Variants in CACNB2 observed in about 807,000 individuals in gnomAD.
The protein encoded by CACNB2 is voltage-dependent L-type calcium channel subunit beta-2.
A neutral mutation model predicts 73.3 loss-of-function variants in CACNB2; 42 were observed. The ratio of observed to expected loss-of-function variants is 0.57; its 90% CI spans 0.45 to 0.74. CACNB2 has a LOEUF of 0.74. Ranked by LOEUF, CACNB2 falls within the 30% of genes least tolerant of loss-of-function variation. CACNB2 has a pLI of 0.00. For synonymous variants in CACNB2, 348 were observed against 310.3 expected (o/e 1.12, Z -1.28); for missense variants, 940 against 853.0 (o/e 1.10, Z -1.27).
At chr10:18,338,542 C>T (rs2041093502) in intron 2 of CACNB2, among the ~76,000 whole-genome samples, 1 of 152,104 alleles carries the variant, frequency 6.6e-6, no homozygotes, top group Admixed American at 6.5e-5. Flanking sequence ...AGGTAACTTC[C>T]AGACCCTTCA....
At chr10:18,366,557 T>G (rs2042361598) in intron 2 of CACNB2, among the ~76,000 whole-genome samples, 1 of 147,932 alleles carries the variant, frequency 6.8e-6, no homozygotes, top group East Asian at 2.1e-4. Flanking sequence ...CGAAGACTGA[T>G]TTTGGGCTGG....
At chr10:18,297,847 T>C (rs1490787649) in intron 2 of CACNB2, among the ~76,000 whole-genome samples, 1 of 152,188 alleles carries the variant, frequency 6.6e-6, no homozygotes, top group African/African-American at 2.4e-5. Context: ...ACAGAAGTGC[T>C]TCACCCTGCA....
intron 2 of CACNB2, among the ~76,000 whole-genome samples, chr10:18,306,240 G>C (rs550588666): frequency 6.6e-6 from 1 of 152,276 alleles, no homozygotes; most frequent in Non-Finnish European, 1.5e-5. Flanking sequence ...CCTCCTTCTA[G>C]AAGGAGGAAG....
chr10:18,344,135 T>A (rs1024906397), intron 2 of CACNB2, among the ~76,000 whole-genome samples: 4 of 151,610 alleles, frequency 2.6e-5, no homozygotes, highest in African/African-American at 9.7e-5. Flanking sequence ...CAAATAATGA[T>A]CTAAGGCTGC....
chr10:18,421,230 T>A (rs568597900), intron 3 of CACNB2, among the ~76,000 whole-genome samples: 822 of 4,392 alleles, frequency 0.19, 10 homozygotes, highest in South Asian at 0.47. Flanking sequence ...AAATACATAT[T>A]TTTTTTTTTT....
chr10:18,307,982 A>ATTTTTTTTTTTTTT (rs1564423318), intron 2 of CACNB2, among the ~76,000 whole-genome samples: 8 of 52,656 alleles, frequency 1.5e-4, no homozygotes, highest in Admixed American at 3.9e-4. Flanking sequence ...ATATATGCCA[A>ATTTTTTTTTTTTTT]CTTTTTTTTT....
Position 18,500,521 on chromosome 10 carries a change from C to A in CACNB2, c.457-291C>A, listed in dbSNP as rs557467443. ...GTAGGATGGGCTGTTATTCTTTGAA[C>A]CCAGAGAGCTTATCCCTACTCATGG... On this transcript the variant is annotated intron_variant, in intron 4 of 13. Transcript: ENST00000324631. Among the ~76,000 whole-genome samples, 164 of 152,202 alleles carry A rather than the reference C, an allele frequency of 1.1e-3. 1 individual carries two copies. Among genetic ancestry groups the A allele is most frequent in the Middle Eastern group, 0.01 (3 of 294 alleles).
At position 18,411,143 on chromosome 10, in the gene CACNB2, T is replaced by C. The variant is rs558307891; in HGVS notation, c.333+9100T>C. Among the ~76,000 whole-genome samples the C allele has an allele frequency of 1.1e-4, 16 of 152,360 alleles. No individual in the cohort carries two copies. The South Asian group carries it at 2.9e-3, about 28-fold the overall frequency. On this transcript the variant is annotated intron_variant, in intron 3 of 13. Coordinates refer to ENST00000324631, the MANE Select transcript of CACNB2 (RefSeq NM_201596.3). ...TAAAAAATTGTCAACTCTTTGCTTA[T>C]AAGCATGTACCTTTCAAGTATAGTT...
intron 3 of CACNB2, among the ~76,000 whole-genome samples, chr10:18,480,395 T>C (rs1030585395): frequency 1.3e-5 from 2 of 152,232 alleles, no homozygotes; most frequent in Non-Finnish European, 2.9e-5. Context: ...TTAATAGTTA[T>C]CTGTGGTAAG....
intron 1 of CACNB2, among the ~76,000 whole-genome samples, chr10:18,150,102 A>G (rs888298143): frequency 6.6e-6 from 1 of 152,234 alleles, no homozygotes. Flanking sequence ...CCCTTACTGC[A>G]TCTATGCTTA....
At chr10:18,371,021 G>A (rs1026668433) in intron 2 of CACNB2, among the ~76,000 whole-genome samples, 3 of 152,090 alleles carry the variant, frequency 2.0e-5, no homozygotes, top group Admixed American at 6.6e-5. Context: ...ACTTTTAAAA[G>A]AGTAATATGT....
intron 3 of CACNB2, among the ~76,000 whole-genome samples, chr10:18,452,799 C>T (rs1003013065): frequency 8.5e-5 from 13 of 152,168 alleles, no homozygotes; most frequent in Non-Finnish European, 1.6e-4. Flanking sequence ...CCAGCAGCAC[C>T]CTGGCTGCTT....
chr10:18,301,893 C>G (rs1317056471), intron 2 of CACNB2, among the ~76,000 whole-genome samples: 1 of 152,050 alleles, frequency 6.6e-6, no homozygotes, highest in African/African-American at 2.4e-5. Context: ...GTGATCCTCC[C>G]ACCTTGGCCC....
intron 2 of CACNB2, among the ~76,000 whole-genome samples, chr10:18,172,948 T>G (rs2033349980): frequency 6.7e-6 from 1 of 148,520 alleles, no homozygotes; most frequent in African/African-American, 2.6e-5. Flanking sequence ...TTAAATGGAG[T>G]TTTACTCTGA....
intron 2 of CACNB2, among the ~76,000 whole-genome samples, chr10:18,397,849 G>T (rs1022912961): frequency 1.3e-5 from 2 of 152,090 alleles, no homozygotes; most frequent in African/African-American, 4.8e-5. Flanking sequence ...AGGATAAAAG[G>T]TGATGATCCT....
intron 2 of CACNB2, among the ~76,000 whole-genome samples, chr10:18,354,377 A>G (rs753331802): frequency 5.8e-4 from 88 of 151,768 alleles, no homozygotes; most frequent in Admixed American, 1.2e-3. Context: ...CCACCACCCA[A>G]CTCTCCACCC....
intron 2 of CACNB2, among the ~76,000 whole-genome samples, chr10:18,199,705 G>T (rs970447335): frequency 2.0e-5 from 3 of 152,158 alleles, no homozygotes; most frequent in African/African-American, 7.2e-5. Context: ...ATCATCTGAC[G>T]TGATATATAC....
intron 2 of CACNB2, among the ~76,000 whole-genome samples, chr10:18,279,132 TG>T (rs773548486): frequency 3.3e-5 from 5 of 152,210 alleles, no homozygotes; most frequent in Non-Finnish European, 5.9e-5. Flanking sequence ...TTAATTTAGT[TG>T]GTTGGCCAAA....
intron 2 of CACNB2, chr10:18,261,308 G>A (rs1237774990): frequency 6.4e-7 from 1 of 1,551,532 alleles, no homozygotes; most frequent in East Asian, 2.4e-5. Flanking sequence ...GGCGAGTACG[G>A]GTGTCCTATG....
Sources: allele counts gnomAD v4.1 joint callset (sites outside exome capture counted in the v4.1 genomes callset), GRCh38; gene constraint gnomAD v4.1.1; transcripts MANE v1.5; gene names NCBI Gene and HGNC (gene_info 2026-07-23, HGNC 2026-07-21).